The following PPP4R2 variants were observed in gnomAD, a reference collection of about 807,000 sequenced individuals.
PPP4R2 encodes the protein protein phosphatase 4 regulatory subunit 2.
PPP4R2 carries 13 observed loss-of-function variants against 47.2 expected under a neutral mutation model. That is an observed-to-expected ratio of 0.28 (90% CI 0.18 to 0.44). The LOEUF is 0.44. PPP4R2 is among the 20% of genes least tolerant of loss of function. PPP4R2 has a pLI of 1.00. For synonymous variants in PPP4R2, 151 were observed against 163.3 expected, an observed-to-expected ratio of 0.92 and a Z score of 0.57; for missense variants, 421 against 491.2, an observed-to-expected ratio of 0.86 and a Z score of 1.35.
rs539555099 is a variant in PPP4R2, at chr3:73,065,994, T to A, written c.*272T>A. On this transcript the variant is annotated 3_prime_UTR_variant, in exon 9 of 9. Coordinates refer to ENST00000356692, the MANE Select transcript of PPP4R2 (RefSeq NM_174907.4). ...TTGTGTATAGATTTTTTTTTTTTTT[T>A]AATTTAGGATTGAAGTTTTTAAACT... 1.2e-4 allele frequency: 24 copies of A among 199,434 alleles called. No individual in the cohort carries two copies. Among genetic ancestry groups the A allele is most frequent in the South Asian group, 7.6e-4 (4 of 5,268 alleles). The allele number at this position is 199,434 out of a possible 1,614,324, so 12.4% of individuals were successfully genotyped here.
intron 2 of PPP4R2, among the ~76,000 whole-genome samples, chr3:73,033,828 G>T (rs1702213135): frequency 6.6e-6 from 1 of 152,196 alleles, no homozygotes; most frequent in Admixed American, 6.5e-5. Flanking sequence ...AGGGTTCAGG[G>T]TTGTTTTCAC....
intron 2 of PPP4R2, among the ~76,000 whole-genome samples, chr3:73,009,298 A>T (rs1701676273): frequency 6.6e-6 from 1 of 152,234 alleles, no homozygotes; most frequent in African/African-American, 2.4e-5. Context: ...TCTGATAATA[A>T]TATGAGATGT....
chr3:73,062,279 C>T, intron 5 of PPP4R2: 1 of 1,606,960 alleles, frequency 6.2e-7, no homozygotes, highest in Non-Finnish European at 8.5e-7. Flanking sequence ...ACGCAATGGA[C>T]AGGAGTGGGC....
chr3:73,024,923 C>G (rs17010386), intron 2 of PPP4R2, among the ~76,000 whole-genome samples: 19,734 of 152,070 alleles, frequency 0.13, 1,572 homozygotes, highest in East Asian at 0.36. Context: ...GCTACACTAC[C>G]AAGCCAAAGG....
intron 2 of PPP4R2, among the ~76,000 whole-genome samples, chr3:73,017,224 A>G (rs903192000): frequency 1.3e-5 from 2 of 152,142 alleles, no homozygotes; most frequent in Non-Finnish European, 2.9e-5. Flanking sequence ...CAGCCAGGTC[A>G]TTCTTCATAT....
At chr3:73,040,518 T>A (rs79834045) in intron 2 of PPP4R2, among the ~76,000 whole-genome samples, 1 of 119,208 alleles carries the variant, frequency 8.4e-6, no homozygotes, top group Non-Finnish European at 1.8e-5. Context: ...TTTTTTTTTT[T>A]GGAGACAGTC....
rs1409652544 is a variant in PPP4R2, at chr3:73,066,247, T to C, written c.*525T>C. ...TAAGTCATATATACATACATATATA[T>C]ATATATATATATATAATTCTAAGGG... On this transcript the variant is annotated 3_prime_UTR_variant, in exon 9 of 9. Transcript: ENST00000356692. 1.4e-5 allele frequency: 2 copies of C among 146,466 alleles called. No homozygotes were observed. Among genetic ancestry groups the C allele is most frequent in the East Asian group, 3.9e-4 (2 of 5,076 alleles). The allele number at this position is 146,466 out of a possible 1,614,324, so 9.1% of individuals were successfully genotyped here.
At chr3:73,058,549 AC>A (rs1408973458) in intron 3 of PPP4R2, among the ~76,000 whole-genome samples, 1 of 151,944 alleles carries the variant, frequency 6.6e-6, no homozygotes. Flanking sequence ...TAGTAGGTTT[AC>A]ATATTTATGG....
At chr3:73,002,882 T>A (rs1701506763) in intron 2 of PPP4R2, among the ~76,000 whole-genome samples, 1 of 151,884 alleles carries the variant, frequency 6.6e-6, no homozygotes, top group African/African-American at 2.4e-5. Flanking sequence ...GACCTCGTGA[T>A]CCATCCACCT....
chr3:73,007,237 T>G (rs1268824344), intron 2 of PPP4R2, among the ~76,000 whole-genome samples: 1 of 152,184 alleles, frequency 6.6e-6, no homozygotes, highest in Non-Finnish European at 1.5e-5. Context: ...ATAATACTCG[T>G]TGTTATGTTG....
intron 2 of PPP4R2, among the ~76,000 whole-genome samples, chr3:73,020,139 A>G (rs954674364): frequency 1.2e-4 from 19 of 152,168 alleles, no homozygotes; most frequent in African/African-American, 3.9e-4. Context: ...GCAGTCTAAG[A>G]TAAGTGTGCC....
At chr3:73,027,686 T>TTGTG (rs1553647463) in intron 2 of PPP4R2, 2 of 129,376 alleles carry the variant, frequency 1.5e-5, no homozygotes, top group Admixed American at 1.5e-4. Flanking sequence ...GTGTGTGTGT[T>TTGTG]TGTGTGTGTG....
chr3:73,038,769 T>G (rs374042156), intron 2 of PPP4R2, among the ~76,000 whole-genome samples: 93 of 152,330 alleles, frequency 6.1e-4, no homozygotes, highest in Middle Eastern at 3.4e-3. Flanking sequence ...GGTAGTAATT[T>G]GAATCTTTAG....
At chr3:73,003,897 T>A (rs9854075) in intron 2 of PPP4R2, among the ~76,000 whole-genome samples, 79,220 of 151,608 alleles carry the variant, frequency 0.52, 20,976 homozygotes, top group African/African-American at 0.6. Flanking sequence ...ACGGGGTTTC[T>A]CTGTGATGGC....
rs6803983 is a variant in PPP4R2, at chr3:73,044,598, C to G, written c.117-2588C>G. Among the ~76,000 whole-genome samples the G allele has an allele frequency of 6.0e-3, 911 of 152,186 alleles. 6 individuals carry two copies. Among genetic ancestry groups the G allele is most frequent in the Non-Finnish European group, 9.1e-3 (622 of 67,982 alleles). Reference sequence around the variant, plus strand: ...GACACTGTCTCAGAAAGGAAAGTTTCAGTTTCTCTACATCCTTGGCCAGCC... The same window carrying G: ...GACACTGTCTCAGAAAGGAAAGTTTGAGTTTCTCTACATCCTTGGCCAGCC... On this transcript the variant is annotated intron_variant, in intron 2 of 8. Transcript: ENST00000356692.
At chr3:73,054,294 A>G (rs765364208) in intron 3 of PPP4R2, among the ~76,000 whole-genome samples, 2 of 152,228 alleles carry the variant, frequency 1.3e-5, no homozygotes, top group African/African-American at 4.8e-5. Flanking sequence ...CCTTAACCCA[A>G]AATTCATAAA....
intron 5 of PPP4R2, chr3:73,062,585 C>G (rs764474856): frequency 1.2e-6 from 2 of 1,613,978 alleles, no homozygotes; most frequent in Non-Finnish European, 1.7e-6. Context: ...CTAGCAGATT[C>G]AAAGATATGC....
intron 2 of PPP4R2, among the ~76,000 whole-genome samples, chr3:73,002,247 C>T (rs1701482382): frequency 6.6e-6 from 1 of 151,980 alleles, no homozygotes; most frequent in African/African-American, 2.4e-5. Context: ...AGGTTGGTTC[C>T]TTGTTTTAAA....
At chr3:73,063,318 T>TAAAAAAAA (rs534798966) in intron 5 of PPP4R2, 2 of 91,632 alleles carry the variant, frequency 2.2e-5, no homozygotes, top group Non-Finnish European at 4.3e-5. Flanking sequence ...TCTCATTATT[T>TAAAAAAAA]AAAAAAAAAA....
Sources: allele counts gnomAD v4.1 joint callset (sites outside exome capture counted in the v4.1 genomes callset), GRCh38; gene constraint gnomAD v4.1.1; transcripts MANE v1.5; gene names NCBI Gene and HGNC (gene_info 2026-07-23, HGNC 2026-07-21).